IGF1R: variants seen among roughly 807,000 people sequenced by gnomAD.
IGF1R encodes the protein insulin-like growth factor 1 receptor.
A neutral mutation model predicts 144.6 loss-of-function variants in IGF1R; 44 were observed. That is an observed-to-expected ratio of 0.30 (90% CI 0.24 to 0.39). The LOEUF (loss-of-function observed/expected upper bound fraction) is 0.39, where lower values mean the gene tolerates loss of function less well. IGF1R is among the 10% of genes least tolerant of loss of function. The pLI is 1.00. For missense variants in IGF1R, 1,355 were observed against 1,833.7 expected, an observed-to-expected ratio of 0.74 and a Z score of 4.77; for synonymous variants, 795 against 722.8, an observed-to-expected ratio of 1.10 and a Z score of -1.60.
intron 2 of IGF1R, among the ~76,000 whole-genome samples, chr15:98,813,756 C>T (rs879876031): frequency 1.3e-5 from 2 of 152,178 alleles, no homozygotes; most frequent in Admixed American, 6.5e-5. Context: ...CAGAGCGGCC[C>T]CAGTCCATTC....
intron 2 of IGF1R, among the ~76,000 whole-genome samples, chr15:98,805,695 C>T (rs2056456256): frequency 6.6e-6 from 1 of 152,132 alleles, no homozygotes; most frequent in Non-Finnish European, 1.5e-5. Context: ...AATCTTGGTC[C>T]TTAAAAGAAA....
At chr15:98,650,273 A>G (rs1351594970) in intron 1 of IGF1R, among the ~76,000 whole-genome samples, 1 of 152,110 alleles carries the variant, frequency 6.6e-6, no homozygotes, top group Non-Finnish European at 1.5e-5. Flanking sequence ...CCGTCGCCCA[A>G]CGTGCTTTTG....
At chr15:98,895,249 C>G (rs868277355) in intron 3 of IGF1R, among the ~76,000 whole-genome samples, 1,225 of 97,342 alleles carry the variant, frequency 0.013, 13 homozygotes, top group African/African-American at 0.032. Context: ...CACACACACA[C>G]ACACACACAC....
At chr15:98,911,565 C>A in intron 7 of IGF1R, 124 bp downstream of exon 7, 1 of 1,243,032 alleles carries the variant, frequency 8.0e-7, no homozygotes, top group Non-Finnish European at 1.2e-6. Context: ...GGGAGAGCCA[C>A]GCCAAACATC....
chr15:98,916,284 C>CA (rs2015245588), intron 9 of IGF1R, among the ~76,000 whole-genome samples, 153 bp downstream of exon 9: 1 of 129,528 alleles, frequency 7.7e-6, no homozygotes, highest in Non-Finnish European at 1.6e-5. Context: ...TTTTTTGAGA[C>CA]AGAGTCTCAC....
At chr15:98,729,149 CA>C (rs775225886) in intron 2 of IGF1R, among the ~76,000 whole-genome samples, 5 of 152,216 alleles carry the variant, frequency 3.3e-5, no homozygotes, top group Non-Finnish European at 5.9e-5. Context: ...CTGATTTATA[CA>C]TTTCCAAAGA....
chr15:98,854,946 C>CG (rs1460484031), intron 2 of IGF1R, among the ~76,000 whole-genome samples: 2 of 152,198 alleles, frequency 1.3e-5, no homozygotes, highest in Admixed American at 6.5e-5. Context: ...CCCCTGCCCC[C>CG]CCCAACACAT....
chr15:98,672,856 T>C (rs1224097840), intron 1 of IGF1R, among the ~76,000 whole-genome samples: 1 of 152,224 alleles, frequency 6.6e-6, no homozygotes, highest in Non-Finnish European at 1.5e-5. Context: ...CTGGTGAAAC[T>C]TAATCAGTGA....
At chr15:98,725,947 C>A (rs984466576) in intron 2 of IGF1R, among the ~76,000 whole-genome samples, 5 of 152,304 alleles carry the variant, frequency 3.3e-5, no homozygotes, top group Admixed American at 3.3e-4. Flanking sequence ...GATTCAATTA[C>A]CTCACCTGGG....
intron 2 of IGF1R, among the ~76,000 whole-genome samples, chr15:98,880,025 A>T (rs2013288388): frequency 6.6e-6 from 1 of 152,174 alleles, no homozygotes; most frequent in African/African-American, 2.4e-5. Flanking sequence ...GGGTGATGAA[A>T]ATATTGTTAA....
chr15:98,851,611 G>T (rs543730994), intron 2 of IGF1R, among the ~76,000 whole-genome samples: 1 of 152,166 alleles, frequency 6.6e-6, no homozygotes, highest in African/African-American at 2.4e-5. Context: ...GCATCCCCAG[G>T]TGCTGCCCAA....
In IGF1R at chr15:98,930,052, G is replaced by A. The variant is rs1247792346; in HGVS notation, c.2886-183G>A. 2.6e-5 allele frequency among the ~76,000 whole-genome samples: 4 copies of A among 152,360 alleles called. No individual in the cohort carries two copies. In the East Asian group the frequency reaches 7.7e-4, roughly 29 times the overall value. ...CCAGAAGATGTGTTAGCAAATGTCT[G>A]CTGGCTCACCCAGGCCTGAATTGGG... On this transcript the variant is annotated intron_variant, in intron 14 of 20. Coordinates refer to ENST00000650285, the MANE Select transcript of IGF1R (RefSeq NM_000875.5).
intron 2 of IGF1R, among the ~76,000 whole-genome samples, chr15:98,773,791 G>A (rs1461323270): frequency 6.6e-6 from 1 of 152,140 alleles, no homozygotes; most frequent in Non-Finnish European, 1.5e-5. Context: ...CTCTCTCTGA[G>A]TGTGAATAAG....
intron 2 of IGF1R, among the ~76,000 whole-genome samples, chr15:98,764,523 A>T (rs1325883232): frequency 6.6e-6 from 1 of 152,250 alleles, no homozygotes; most frequent in Non-Finnish European, 1.5e-5. Context: ...GGGAAAGTAG[A>T]GTTCATTACA....
chr15:98,911,223 C>A, intron 6 of IGF1R, 92 bp from the exon 7 acceptor site: 1 of 1,485,742 alleles, frequency 6.7e-7, no homozygotes, highest in Admixed American at 1.8e-5. Flanking sequence ...ATACAGCCAG[C>A]TTTGGGGAAG....
chr15:98,884,101 G>T (rs2013518535), intron 2 of IGF1R, among the ~76,000 whole-genome samples: 1 of 152,098 alleles, frequency 6.6e-6, no homozygotes, highest in South Asian at 2.1e-4. Context: ...AGGAATGGGG[G>T]TATTCTAAAG....
At chr15:98,882,367 G>T (rs965541831) in intron 2 of IGF1R, among the ~76,000 whole-genome samples, 2 of 152,264 alleles carry the variant, frequency 1.3e-5, no homozygotes, top group African/African-American at 4.8e-5. Context: ...CCATCTGGCA[G>T]TGGAGTAGCA....
At chr15:98,938,046 A>G (rs944624117) in intron 17 of IGF1R, among the ~76,000 whole-genome samples, 1 of 152,218 alleles carries the variant, frequency 6.6e-6, no homozygotes, top group South Asian at 2.1e-4. Flanking sequence ...ACCAACCCAG[A>G]AGTACCGAGG....
intron 13 of IGF1R, among the ~76,000 whole-genome samples, chr15:98,925,470 A>G (rs1453954670): frequency 6.6e-6 from 1 of 152,184 alleles, no homozygotes; most frequent in Non-Finnish European, 1.5e-5. Flanking sequence ...AGATTATTTC[A>G]TGTTCATGGA....
Sources: allele counts gnomAD v4.1 joint callset (sites outside exome capture counted in the v4.1 genomes callset), GRCh38; gene constraint gnomAD v4.1.1; transcripts MANE v1.5; gene names NCBI Gene and HGNC (gene_info 2026-07-23, HGNC 2026-07-21).